The following PRKG1 variants were observed in gnomAD, a reference collection of about 807,000 sequenced individuals.
PRKG1 encodes the protein cGMP-dependent protein kinase 1.
A neutral mutation model predicts 88.1 loss-of-function variants in PRKG1; 35 were observed. The observed-to-expected ratio is 0.40, with a 90% CI of 0.30 to 0.53. The LOEUF (loss-of-function observed/expected upper bound fraction) is 0.53, where lower values mean the gene tolerates loss of function less well. PRKG1 is among the 20% of genes least tolerant of loss of function. PRKG1 has a pLI of 0.59. For synonymous variants in PRKG1, 303 were observed against 292.5 expected, an observed-to-expected ratio of 1.04 and a Z score of -0.37; for missense variants, 540 against 839.8, an observed-to-expected ratio of 0.64 and a Z score of 4.41.
rs370817382 is a variant in PRKG1 at position 51,621,007 on chromosome 10, G to GTATATATATATATATATATATA, written c.592+153172_592+153173insATATATATATATATATATATAT. On this transcript the variant is annotated intron_variant, in intron 3 of 17. Transcript: ENST00000373980. ...TATGTGTGTGTGTGTGTGTATATGT[G>GTATATATATATATATATATATA]TGTATATATATATATATATATATAT... Among the ~76,000 whole-genome samples, 435 of 122,032 alleles carry GTATATATATATATATATATATA rather than the reference G, an allele frequency of 3.6e-3. 2 individuals carry two copies. Among genetic ancestry groups the GTATATATATATATATATATATA allele is most frequent in the East Asian group, 0.013 (42 of 3,152 alleles). The allele number at this position is 122,032 out of a possible 152,430, so 80.1% of individuals were successfully genotyped here. A position where few individuals can be genotyped will look rare whatever the true frequency, so the allele number is the denominator to read the frequency against.
At chr10:51,029,614 G>T (rs1843254342) in intron 1 of PRKG1, among the ~76,000 whole-genome samples, 1 of 152,114 alleles carries the variant, frequency 6.6e-6, no homozygotes, top group Non-Finnish European at 1.5e-5. Context: ...AATAACAGTA[G>T]ACCTCAAAAA....
At chr10:52,121,663 A>T in intron 7 of PRKG1, among the ~76,000 whole-genome samples, 1 of 152,216 alleles carries the variant, frequency 6.6e-6, no homozygotes, top group East Asian at 1.9e-4. Context: ...ACTTTATAAT[A>T]AAGCTGACCT....
At chr10:51,210,869 G>A (rs892849187) in intron 2 of PRKG1, among the ~76,000 whole-genome samples, 2 of 152,074 alleles carry the variant, frequency 1.3e-5, no homozygotes, top group Non-Finnish European at 2.9e-5. Context: ...ATTCACAGCC[G>A]AATTCTACCA....
intron 7 of PRKG1, among the ~76,000 whole-genome samples, chr10:52,096,227 T>G (rs556873762): frequency 6.6e-6 from 1 of 152,346 alleles, no homozygotes; most frequent in South Asian, 2.1e-4. Context: ...GATGTGTTTT[T>G]GTAATCAACC....
intron 3 of PRKG1, chr10:51,697,528 TA>T (rs139403403): frequency 0.22 from 125,154 of 561,878 alleles, 11,105 homozygotes; most frequent in African/African-American, 0.4. Flanking sequence ...CACCCTCAAT[TA>T]AAAAAAAAAG....
At chr10:51,490,846 A>G (rs963562250) in intron 3 of PRKG1, among the ~76,000 whole-genome samples, 3 of 152,266 alleles carry the variant, frequency 2.0e-5, no homozygotes, top group South Asian at 2.1e-4. Context: ...TGTTTGATTT[A>G]GAAACCTCAT....
chr10:51,252,696 G>A (rs1321986618), intron 2 of PRKG1, among the ~76,000 whole-genome samples: 1 of 151,702 alleles, frequency 6.6e-6, no homozygotes. Flanking sequence ...ACAGACCAGA[G>A]TTTAAATCTA....
intron 5 of PRKG1, among the ~76,000 whole-genome samples, chr10:51,961,283 G>C (rs1843441339): frequency 6.6e-6 from 1 of 152,014 alleles, no homozygotes; most frequent in Non-Finnish European, 1.5e-5. Context: ...ATGAAAAGTT[G>C]ACCCTCGTGT....
At chr10:51,062,830 C>G (rs1212724120) in intron 1 of PRKG1, 1 of 152,116 alleles carries the variant, frequency 6.6e-6, no homozygotes, top group Non-Finnish European at 1.5e-5. Context: ...CCATGTTGGT[C>G]AGGTTGGTCT....
intron 4 of PRKG1, among the ~76,000 whole-genome samples, chr10:51,861,041 C>A (rs1284079991): frequency 6.6e-6 from 1 of 152,140 alleles, no homozygotes; most frequent in African/African-American, 2.4e-5. Flanking sequence ...ATGAGCTAAG[C>A]CCTTTTACCA....
chr10:52,148,813 G>C (rs999816583), intron 8 of PRKG1, among the ~76,000 whole-genome samples: 2 of 152,128 alleles, frequency 1.3e-5, no homozygotes, highest in Non-Finnish European at 2.9e-5. Flanking sequence ...TGATAACTTT[G>C]AGGGAAAAGT....
At chr10:51,532,016 C>T (rs984732442) in intron 3 of PRKG1, among the ~76,000 whole-genome samples, 1 of 151,928 alleles carries the variant, frequency 6.6e-6, no homozygotes, top group Admixed American at 6.6e-5. Flanking sequence ...AAAGAATGTA[C>T]TTTTACAAAA....
At chr10:52,276,840 T>C (rs1233436308) in intron 12 of PRKG1, among the ~76,000 whole-genome samples, 1 of 152,216 alleles carries the variant, frequency 6.6e-6, no homozygotes, top group Non-Finnish European at 1.5e-5. Flanking sequence ...TGTGACTGCT[T>C]TCAAGATGTC....
intron 2 of PRKG1, among the ~76,000 whole-genome samples, chr10:51,330,238 C>T (rs528403387): frequency 6.6e-6 from 1 of 151,508 alleles, no homozygotes; most frequent in East Asian, 1.9e-4. Context: ...GCAACCTCCA[C>T]CTCCTGAGTT....
intron 3 of PRKG1, among the ~76,000 whole-genome samples, chr10:51,743,603 C>T (rs1473111464): frequency 1.4e-5 from 2 of 142,276 alleles, no homozygotes; most frequent in East Asian, 4.0e-4. Context: ...TCTTTCTCTA[C>T]CTTTATTTCT....
intron 3 of PRKG1, among the ~76,000 whole-genome samples, chr10:51,668,253 A>T (rs1014983817): frequency 3.3e-5 from 5 of 152,186 alleles, no homozygotes; most frequent in African/African-American, 1.2e-4. Flanking sequence ...TCAGAGCTGA[A>T]TTGAAAACCA....
chr10:51,440,615 C>A (rs560296317), intron 2 of PRKG1, among the ~76,000 whole-genome samples: 1 of 152,026 alleles, frequency 6.6e-6, no homozygotes, highest in Admixed American at 6.6e-5. Context: ...ATACACCCTG[C>A]AACTGATTTC....
intron 5 of PRKG1, among the ~76,000 whole-genome samples, chr10:52,049,703 A>AT (rs1188383251): frequency 3.9e-5 from 6 of 152,122 alleles, no homozygotes. Context: ...TAGTGGAAGA[A>AT]TATTGGGTTT....
chr10:51,716,444 T>A (rs926139168), intron 3 of PRKG1, among the ~76,000 whole-genome samples: 5 of 152,200 alleles, frequency 3.3e-5, no homozygotes, highest in African/African-American at 1.2e-4. Context: ...GTACCTGGTG[T>A]TCTGGGACCT....
Sources: allele counts gnomAD v4.1 joint callset (sites outside exome capture counted in the v4.1 genomes callset), GRCh38; gene constraint gnomAD v4.1.1; transcripts MANE v1.5; gene names NCBI Gene and HGNC (gene_info 2026-07-23, HGNC 2026-07-21).